The following XPR1 variants were observed in gnomAD, a reference collection of about 807,000 sequenced individuals.
XPR1 encodes the protein solute carrier family 53 member 1.
XPR1 carries 28 observed loss-of-function variants against 87.5 expected under a neutral mutation model. The ratio of observed to expected loss-of-function variants is 0.32; its 90% CI spans 0.24 to 0.44. XPR1 has a LOEUF of 0.44. XPR1 is among the 20% of genes least tolerant of loss of function. The pLI, the probability that XPR1 is intolerant of heterozygous loss-of-function variation, is 1.00. For synonymous variants in XPR1, 300 were observed against 306.1 expected (o/e 0.98, Z 0.21); for missense variants, 559 against 862.3 (o/e 0.65, Z 4.41).
chr1:180,814,408 CT>C (rs1299928303), intron 7 of XPR1, among the ~76,000 whole-genome samples: 5 of 152,146 alleles, frequency 3.3e-5, no homozygotes, highest in African/African-American at 1.2e-4. Context: ...AAACTCAGAT[CT>C]ATGTTATCAA....
At chr1:180,696,165 GGTGTGTGTGTGTGTGTGTGTGTGTGT>G (rs59249501) in intron 2 of XPR1, among the ~76,000 whole-genome samples, 2 of 102,990 alleles carry the variant, frequency 1.9e-5, no homozygotes, top group African/African-American at 3.5e-5. Context: ...TTTATTCCTG[GGTGTGTGTGTGTGTGTGTGTGTGTGT>G]GTGTGTGTGT....
intron 1 of XPR1, among the ~76,000 whole-genome samples, chr1:180,656,443 A>AAATATTTATATATTTATATAT (rs1655490841): frequency 1.8e-4 from 1 of 5,474 alleles, no homozygotes; most frequent in Non-Finnish European, 4.0e-4. Flanking sequence ...ATTTATATAT[A>AAATATTTATATATTTATATAT]AATATTTATA....
intron 2 of XPR1, among the ~76,000 whole-genome samples, chr1:180,734,853 T>C (rs1051538766): frequency 6.6e-6 from 1 of 152,132 alleles, no homozygotes; most frequent in East Asian, 1.9e-4. Flanking sequence ...TGAAATACAG[T>C]GGAGGAGGTC....
At chr1:180,746,061 C>CT (rs1319216516) in intron 2 of XPR1, among the ~76,000 whole-genome samples, 8 of 151,834 alleles carry the variant, frequency 5.3e-5, no homozygotes, top group African/African-American at 1.2e-4. Context: ...CTATCTGTTC[C>CT]TTTTTTTTCT....
At chr1:180,695,145 G>A (rs542670209) in intron 2 of XPR1, among the ~76,000 whole-genome samples, 1 of 152,186 alleles carries the variant, frequency 6.6e-6, no homozygotes, top group East Asian at 1.9e-4. Flanking sequence ...CTGATGATTA[G>A]TGATATTGAG....
chr1:180,800,613 TG>T (rs1649744828), intron 3 of XPR1, among the ~76,000 whole-genome samples: 1 of 152,178 alleles, frequency 6.6e-6, no homozygotes, highest in Admixed American at 6.5e-5. Flanking sequence ...AGCTAATAAA[TG>T]GGGTTTCTTT....
At chr1:180,703,409 T>C (rs548873526) in intron 2 of XPR1, among the ~76,000 whole-genome samples, 1 of 152,206 alleles carries the variant, frequency 6.6e-6, no homozygotes, top group African/African-American at 2.4e-5. Flanking sequence ...CGCATGCGGG[T>C]GCCAGCATCA....
chr1:180,772,506 T>A (rs943704519), intron 2 of XPR1, among the ~76,000 whole-genome samples: 2 of 152,166 alleles, frequency 1.3e-5, no homozygotes, highest in Non-Finnish European at 2.9e-5. Flanking sequence ...TCTTTGTGTA[T>A]GAACTTTGTA....
intron 1 of XPR1, among the ~76,000 whole-genome samples, chr1:180,644,868 G>A (rs1246314279): frequency 6.6e-6 from 1 of 151,936 alleles, no homozygotes; most frequent in African/African-American, 2.4e-5. Flanking sequence ...TGTAGAATCA[G>A]TGGGAAGCAG....
At chr1:180,655,383 A>G (rs1046653674) in intron 1 of XPR1, among the ~76,000 whole-genome samples, 1 of 147,706 alleles carries the variant, frequency 6.8e-6, no homozygotes, top group African/African-American at 2.5e-5. Flanking sequence ...AATTCTGTTG[A>G]TAGTCTCTCT....
intron 2 of XPR1, among the ~76,000 whole-genome samples, chr1:180,768,692 ATT>A (rs778019462): frequency 3.3e-5 from 5 of 152,230 alleles, no homozygotes; most frequent in Admixed American, 6.5e-5. Context: ...ACTCCTTTGC[ATT>A]TAGCTGTAAA....
chr1:180,805,956 A>T, intron 4 of XPR1, 106 bp from the exon 5 acceptor site: 1 of 1,214,914 alleles, frequency 8.2e-7, no homozygotes, highest in Non-Finnish European at 1.1e-6. Flanking sequence ...TTCCTAGAGT[A>T]CTTAATCTTT....
At chr1:180,670,856 C>T (rs1002157239) in intron 1 of XPR1, among the ~76,000 whole-genome samples, 4 of 152,120 alleles carry the variant, frequency 2.6e-5, no homozygotes, top group African/African-American at 7.2e-5. Context: ...TTTTGAAGGA[C>T]GTTTTTGCTG....
chr1:180,659,388 C>CG (rs1239887948), intron 1 of XPR1, among the ~76,000 whole-genome samples: 25 of 29,198 alleles, frequency 8.6e-4, no homozygotes, highest in South Asian at 1.5e-3. Context: ...TCCGTCCTTC[C>CG]TTCCTTCCTT....
chr1:180,757,768 C>T (rs867806772), intron 2 of XPR1, among the ~76,000 whole-genome samples: 40 of 150,770 alleles, frequency 2.7e-4, no homozygotes, highest in African/African-American at 8.8e-4. Context: ...GATCCTTCTG[C>T]CTCCCAAAGC....
intron 2 of XPR1, among the ~76,000 whole-genome samples, chr1:180,684,456 G>C (rs1411722186): frequency 6.6e-6 from 1 of 152,148 alleles, no homozygotes; most frequent in East Asian, 1.9e-4. Flanking sequence ...GCTTAGGATT[G>C]ACTTGGCGAT....
Position 180,885,524 on chromosome 1 carries a change from G to C in XPR1, c.*1458G>C, listed in dbSNP as rs1231986292. ...ATCCAAATAAGCCTGAAAACCATAA[G>C]AGATATTACTTTATTGAATATGGTT... On this transcript the variant is annotated 3_prime_UTR_variant, in exon 15 of 15. Coordinates refer to ENST00000367590, the MANE Select transcript of XPR1 (RefSeq NM_004736.4). 2 of 152,096 alleles carry C rather than the reference G, an allele frequency of 1.3e-5. No individual in the cohort carries two copies. Among genetic ancestry groups the C allele is most frequent in the Non-Finnish European group, 2.9e-5 (2 of 68,022 alleles). The allele number at this position is 152,096 out of a possible 1,614,324, so 9.4% of individuals were successfully genotyped here. A position where few individuals can be genotyped will look rare whatever the true frequency, so the allele number is the denominator to read the frequency against.
chr1:180,745,333 G>C (rs79367533), intron 2 of XPR1, among the ~76,000 whole-genome samples: 147 of 152,254 alleles, frequency 9.7e-4, no homozygotes, highest in African/African-American at 3.2e-3. Flanking sequence ...GGAGGGAGGG[G>C]AAGAGAGAGA....
rs139363505 is a variant in XPR1, at chr1:180,749,639, T to TCACACACACACACACACACA, written c.122-38094_122-38075dup. Among the ~76,000 whole-genome samples, 1,071 of 142,410 alleles carry TCACACACACACACACACACA rather than the reference T, an allele frequency of 7.5e-3. 15 individuals are homozygous for TCACACACACACACACACACA. The highest frequency in any genetic ancestry group is 0.015 in the African/African-American group (568 of 38,246). The allele number at this position is 142,410 out of a possible 152,430, so 93.4% of individuals were successfully genotyped here. On this transcript the variant is annotated intron_variant, in intron 2 of 14. Coordinates refer to ENST00000367590, the MANE Select transcript of XPR1 (RefSeq NM_004736.4). Reference sequence around the variant, plus strand: ...AAAATTTATAATAAACACATATACATCACACACACACACACACACACACAC... The same window carrying TCACACACACACACACACACA: ...AAAATTTATAATAAACACATATACATCACACACACACACACACACACACACACACACACACACACACACAC...
Sources: allele counts gnomAD v4.1 joint callset (sites outside exome capture counted in the v4.1 genomes callset), GRCh38; gene constraint gnomAD v4.1.1; transcripts MANE v1.5; gene names NCBI Gene and HGNC (gene_info 2026-07-23, HGNC 2026-07-21).